Variants in PRMT9 observed in about 807,000 individuals in gnomAD.
The protein encoded by PRMT9 is protein arginine N-methyltransferase 9.
A neutral mutation model predicts 83.2 loss-of-function variants in PRMT9; 59 were observed. The ratio of observed to expected loss-of-function variants is 0.71; its 90% CI spans 0.57 to 0.88. PRMT9 has a LOEUF of 0.88. PRMT9 is among the 40% of genes least tolerant of loss of function. The pLI is 0.00. For synonymous variants in PRMT9, 333 were observed against 353.2 expected (o/e 0.94, Z 0.64); for missense variants, 947 against 1,021.9 (o/e 0.93, Z 1.00).
In PRMT9 at chr4:147,642,914, A is replaced by G. The variant is rs1343014794; in HGVS notation, c.2072T>C (p.Ile691Thr). 3 of 1,614,052 alleles carry G rather than the reference A, an allele frequency of 1.9e-6. No individual in the cohort carries two copies. The highest frequency in any genetic ancestry group is 3.3e-5 in the Admixed American group (2 of 60,006). Residue 691 changes from isoleucine to threonine, a missense_variant, in exon 10 of 12, where the codon ATC (isoleucine) becomes ACC (threonine). By Grantham distance (89) the Ile-to-Thr change is moderately conservative (BLOSUM62 -1). Coordinates refer to ENST00000322396, the MANE Select transcript of PRMT9 (RefSeq NM_138364.4). ...SRCLLQSGGK[I>T]FPQYVLMFGL... ...AAACATCAGCACATACTGAGGAAAG[A>G]TCTTGCCTCCAGATTGTAGTAAACA...
intron 6 of PRMT9, chr4:147,661,315 T>C (rs1734934406): frequency 2.8e-6 from 1 of 351,766 alleles, no homozygotes. Flanking sequence ...ACTAAGATAT[T>C]TGTAATAACT....
At chr4:147,677,061 AAC>A (rs1736137839) in intron 2 of PRMT9, among the ~76,000 whole-genome samples, 2 of 151,800 alleles carry the variant, frequency 1.3e-5, no homozygotes, top group South Asian at 2.1e-4. Flanking sequence ...AAAAAAAAAA[AAC>A]TTAATATAAC....
intron 9 of PRMT9, among the ~76,000 whole-genome samples, chr4:147,649,171 G>A (rs961858373): frequency 6.6e-6 from 1 of 151,912 alleles, no homozygotes; most frequent in Non-Finnish European, 1.5e-5. Context: ...AGAGAGAAGA[G>A]GGGGAGAGAG....
intron 4 of PRMT9, chr4:147,671,844 C>G (rs1483263795): frequency 2.2e-6 from 1 of 455,952 alleles, no homozygotes; most frequent in Non-Finnish European, 4.4e-6. Context: ...TGACTCATGT[C>G]CCTCTCAAAA....
At chr4:147,659,276 C>A (rs951390007) in intron 7 of PRMT9, among the ~76,000 whole-genome samples, 5 of 151,714 alleles carry the variant, frequency 3.3e-5, no homozygotes, top group African/African-American at 1.2e-4. Flanking sequence ...TGGTGGGTGC[C>A]TGTAATCCCA....
At chr4:147,672,182 G>A (rs376941150) in intron 4 of PRMT9, 5 of 247,496 alleles carry the variant, frequency 2.0e-5, no homozygotes, top group African/African-American at 1.2e-4. Flanking sequence ...AATAAATGTA[G>A]AGACGATTGA....
In PRMT9 at chr4:147,638,237, A is replaced by G. The variant is rs375663825; in HGVS notation, c.*295T>C. ...ACAAAAGTAAAGTTTTGCTTTACTT[A>G]CACATGTCAATAACGATAAGACTTT... On this transcript the variant is annotated 3_prime_UTR_variant, in exon 12 of 12. Transcript: ENST00000322396. 3.9e-5 allele frequency: 14 copies of G among 356,316 alleles called. No individual in the cohort carries two copies. The East Asian group carries it at 7.0e-4, about 18-fold the overall frequency. 22.1% of individuals were successfully genotyped at this position (356,316 alleles called of 1,614,324 possible).
At chr4:147,680,702 C>T (rs1736407028) in intron 1 of PRMT9, among the ~76,000 whole-genome samples, 1 of 152,202 alleles carries the variant, frequency 6.6e-6, no homozygotes, top group Admixed American at 6.5e-5. Context: ...TCTAAACTCC[C>T]CCCACTCTTA....
chr4:147,642,275 G>T (rs1363195542), intron 10 of PRMT9, among the ~76,000 whole-genome samples: 2 of 151,314 alleles, frequency 1.3e-5, no homozygotes, highest in East Asian at 3.9e-4. Flanking sequence ...GTCTCGCTCT[G>T]TCATCCAGAC....
rs1736668944 is a variant in PRMT9 at position 147,683,802 on chromosome 4, C to A, written c.186G>T (p.Val62=). The A allele has an allele frequency of 6.6e-7, 1 of 1,522,398 alleles. No individual in the cohort carries two copies. The highest frequency in any genetic ancestry group is 8.9e-7 in the Non-Finnish European group (1 of 1,123,772). 94.3% of individuals were successfully genotyped at this position (1,522,398 alleles called of 1,614,324 possible). ...AGTGAGAAAAAAGGACCCTCACCTT[C>A]ACGTCGTGTTTCAGCTCCGGCGCCA... is the stretch of plus-strand genomic sequence containing the variant. ...LSLAPELKHD[V]KETFQYTLFR... The change falls in exon 1 of 12, where the codon GTG becomes GTT. Residue 62 remains valine (V), a synonymous_variant. Coordinates refer to ENST00000322396, the MANE Select transcript of PRMT9 (RefSeq NM_138364.4).
chr4:147,640,082 TTTTTTTTTAA>T (rs1373771956), intron 10 of PRMT9, among the ~76,000 whole-genome samples: 17 of 89,040 alleles, frequency 1.9e-4, no homozygotes, highest in Middle Eastern at 4.3e-3. Context: ...TTTTTTTTTT[TTTTTTTTTAA>T]TATAGGGTCT....
At chr4:147,668,441 C>T (rs1735492487) in intron 6 of PRMT9, 98 bp downstream of exon 6, 1 of 775,116 alleles carries the variant, frequency 1.3e-6, no homozygotes, top group East Asian at 2.6e-5. Flanking sequence ...GCCTCCTCAG[C>T]ATTCAGAACT....
At chr4:147,652,095 T>TACAAAA (rs1322080414) in intron 9 of PRMT9, among the ~76,000 whole-genome samples, 1 of 152,078 alleles carries the variant, frequency 6.6e-6, no homozygotes, top group African/African-American at 2.4e-5. Context: ...ACACTGCAAC[T>TACAAAA]ACAAAAACAA....
intron 9 of PRMT9, among the ~76,000 whole-genome samples, chr4:147,650,831 G>C (rs537847414): frequency 1.3e-5 from 2 of 152,144 alleles, no homozygotes; most frequent in East Asian, 1.9e-4. Context: ...AGGCGGGCAC[G>C]GTGGCTCATG....
chr4:147,674,048 T>G (rs1735911199), intron 2 of PRMT9, among the ~76,000 whole-genome samples, 174 bp from the exon 3 acceptor site: 1 of 152,200 alleles, frequency 6.6e-6, no homozygotes, highest in South Asian at 2.1e-4. Context: ...AGCCTCAGTA[T>G]TTCTTTCTTT....
chr4:147,684,154 GCCCCGT>G lies in PRMT9; in HGVS notation c.-173_-168del. The stretch of plus-strand genomic sequence containing the variant: ...CAACCCCAGCCCAGGCGGAAGCTCC[GCCCCGT>G]CCTGGCCCCGCGGGCGGCGCAGACC... On this transcript the variant is annotated 5_prime_UTR_variant, in exon 1 of 12. Transcript: ENST00000322396. 1.2e-6 allele frequency: 1 copy of G among 802,452 alleles called. No individual in the cohort carries two copies. Among genetic ancestry groups the G allele is most frequent in the Non-Finnish European group, 2.0e-6 (1 of 494,286 alleles). 49.7% of individuals were successfully genotyped at this position (802,452 alleles called of 1,614,324 possible). A position where few individuals can be genotyped will look rare whatever the true frequency, so the allele number is the denominator to read the frequency against.
rs76786549 is a variant in PRMT9, at chr4:147,679,170, G to C, written c.338+1153C>G. Among the ~76,000 whole-genome samples, 11 of 152,314 alleles carry C rather than the reference G, an allele frequency of 7.2e-5. No individual in the cohort carries two copies. The South Asian group carries it at 2.3e-3, about 32-fold the overall frequency. Reference sequence around the variant, plus strand: ...GGAGAGGCCGCGTGCAGTGGCTCAAGTCTGTAATCCCAGTGCTTTGGGAGG... The same window carrying C: ...GGAGAGGCCGCGTGCAGTGGCTCAACTCTGTAATCCCAGTGCTTTGGGAGG... On this transcript the variant is annotated intron_variant, in intron 2 of 11. Coordinates refer to ENST00000322396, the MANE Select transcript of PRMT9 (RefSeq NM_138364.4).
At chr4:147,662,351 A>T (rs1208495258) in intron 6 of PRMT9, among the ~76,000 whole-genome samples, 2 of 152,212 alleles carry the variant, frequency 1.3e-5, no homozygotes, top group Non-Finnish European at 2.9e-5. Context: ...TGGTAAAGAG[A>T]TGGGGTTTCT....
intron 6 of PRMT9, among the ~76,000 whole-genome samples, chr4:147,667,172 T>TACATATTCTTTAACCCA (rs1434940768): frequency 2.0e-4 from 31 of 152,320 alleles, no homozygotes; most frequent in African/African-American, 7.5e-4. Context: ...CTGAAAACTG[T>TACATATTCTTTAACCCA]ACATATTCTT....
Sources: gnomAD v4.1 joint callset for allele counts (sites outside exome capture counted in the v4.1 genomes callset) on GRCh38, gnomAD v4.1.1 for gene constraint, MANE v1.5 for transcripts, NCBI Gene and HGNC (gene_info 2026-07-23, HGNC 2026-07-21) for gene names.